The following WDR90 variants were observed in gnomAD, a reference collection of about 807,000 sequenced individuals.
The protein encoded by WDR90 is WD repeat domain 90.
In WDR90, 238 loss-of-function variants were observed where a neutral mutation model predicts 195.2. The ratio of observed to expected loss-of-function variants is 1.22; its 90% CI spans 1.10 to 1.36. The LOEUF is 1.36. Among genes scored for constraint, WDR90 ranks in the 40% most tolerant of loss-of-function variants. The probability of loss-of-function intolerance (pLI) is 0.00; values close to 1 mark genes in which losing one functional copy is unlikely to be tolerated. For missense variants in WDR90, 2,734 were observed against 2,439.5 expected, an observed-to-expected ratio of 1.12 and a Z score of -2.54; for synonymous variants, 1,265 against 1,052.4, an observed-to-expected ratio of 1.20 and a Z score of -3.91.
Position 661,063 on chromosome 16 carries a change from A to T in WDR90, c.3404A>T (p.Tyr1135Phe), listed in dbSNP as rs2037901056. 7.7e-7 allele frequency: 1 copy of T among 1,305,256 alleles called. No homozygotes were observed. The highest frequency in any genetic ancestry group is 9.7e-7 in the Non-Finnish European group (1 of 1,030,598). The allele number at this position is 1,305,256 out of a possible 1,614,324, so 80.9% of individuals were successfully genotyped here. A position where few individuals can be genotyped will look rare whatever the true frequency, so the allele number is the denominator to read the frequency against. ...VWRPDTGFFAYTCGRLVVVED... is the reference protein window; with the variant it reads ...VWRPDTGFFAFTCGRLVVVED... Reference sequence around the variant, plus strand: ...TCTCTGCGCACAGGCTTCTTTGCCTACACGTGCGGCCGCCTGGTGGTGGTG... The same window carrying T: ...TCTCTGCGCACAGGCTTCTTTGCCTTCACGTGCGGCCGCCTGGTGGTGGTG... Residue 1135 changes from tyrosine (Y) to phenylalanine (F), a missense_variant, in exon 29 of 41, where the codon TAC becomes TTC. Transcript: ENST00000293879.
chr16:664,183 GTGCGTGC>G (rs200981989), intron 34 of WDR90, among the ~76,000 whole-genome samples: 81,908 of 151,588 alleles, frequency 0.54, 25,542 homozygotes, highest in East Asian at 0.98. Context: ...TGGAAACCCC[GTGCGTGC>G]CTAGAGGAAA....
In WDR90 at chr16:659,364, G is replaced by T; in HGVS notation, c.3172G>T (p.Glu1058Ter). 1 of 1,592,300 alleles carries T rather than the reference G, an allele frequency of 6.3e-7. No homozygotes were observed. The change falls in exon 26 of 41, where the codon GAA becomes TAA. Residue 1058 changes from glutamate (E) to a stop codon, truncating the protein, a stop_gained. Coordinates refer to ENST00000293879, the MANE Select transcript of WDR90 (RefSeq NM_145294.5). LOFTEE classifies it high-confidence loss of function. ...GCTGGGCGTCTGTGCCAGGCCTCCC[G>T]AAGGTGGCGATGGTGAGCAGCAGGG... Reference protein sequence around the residue: ...PRLGVCARPPEGGDGARDTRN... With the variant: ...PRLGVCARPP
Position 662,922 on chromosome 16 carries a change from A to G in WDR90, c.4311+78A>G, listed in dbSNP as rs957192482. 3.3e-6 allele frequency: 5 copies of G among 1,524,882 alleles called. No homozygotes were observed. In the African/African-American group the frequency reaches 6.9e-5, roughly 21 times the overall value. 94.5% of individuals were successfully genotyped at this position (1,524,882 alleles called of 1,614,324 possible). A position where few individuals can be genotyped will look rare whatever the true frequency, so the allele number is the denominator to read the frequency against. On this transcript the variant is annotated intron_variant, in intron 34 of 40. Transcript: ENST00000293879. ...CCTGCCTGCCGGCTCCATCTCCACC[A>G]GCCCAGATGATTCCAAGTCCTGCCG...
At position 653,429 on chromosome 16, in the gene WDR90, T is replaced by G; in HGVS notation, c.1211T>G (p.Phe404Cys). The change falls in exon 11 of 41, where the codon TTC becomes TGC. Residue 404 changes from phenylalanine (F) to cysteine (C), a missense_variant. Coordinates refer to ENST00000293879, the MANE Select transcript of WDR90 (RefSeq NM_145294.5). ...CTCGTGGACACGGGGGAGCAGCGCTTCTTCCTTGGCCACACAGACAAGGTG... is the reference window on the plus strand; with the variant it reads ...CTCGTGGACACGGGGGAGCAGCGCTGCTTCCTTGGCCACACAGACAAGGTG... ...VLLVDTGEQR[F>C]FLGHTDKVSA... The G allele has an allele frequency of 6.2e-7, 1 of 1,611,928 alleles. No individual in the cohort carries two copies. The highest frequency in any genetic ancestry group is 8.5e-7 in the Non-Finnish European group (1 of 1,179,430).
chr16:650,009 G>T lies in WDR90; in HGVS notation c.121G>T (p.Ala41Ser). 1.2e-6 allele frequency: 2 copies of T among 1,612,736 alleles called. No individual in the cohort carries two copies. The highest frequency in any genetic ancestry group is 1.7e-6 in the Non-Finnish European group (2 of 1,179,952). ...TCTCCAGGACAAGACCCTGAAGGGC[G>T]CCGTGTATCGCATTCGGGGCTCAGT... ...AVVTDKTLKGAVYRIRGSVSA... is the reference protein window; with the variant it reads ...AVVTDKTLKGSVYRIRGSVSA... The change falls in exon 3 of 41, where the codon GCC becomes TCC. Residue 41 changes from alanine to serine, a missense_variant. Transcript: ENST00000293879.
At position 660,087 on chromosome 16, in the gene WDR90, C is replaced by G. The variant is rs1248500398; in HGVS notation, c.3214C>G (p.Pro1072Ala). The change falls in exon 27 of 41, where the codon CCA becomes GCA. Residue 1072 changes from proline (P) to alanine (A), a missense_variant. Pro to Ala is a conservative substitution (Grantham distance 27). Transcript: ENST00000293879. ...GARDTRNSGA[P>A]RTTYLASCKA... The stretch of plus-strand genomic sequence containing the variant: ...CAGGGACACCAGGAATTCGGGGGCC[C>G]CACGCACCACCTACCTGGCTTCCTG... 3 of 1,547,398 alleles carry G rather than the reference C, an allele frequency of 1.9e-6. No homozygotes were observed. In the South Asian group the frequency reaches 3.6e-5, roughly 18 times the overall value.
intron 22 of WDR90, 90 bp downstream of exon 22, chr16:658,434 G>A: frequency 1.3e-6 from 2 of 1,576,392 alleles, no homozygotes; most frequent in Middle Eastern, 1.7e-4. Flanking sequence ...AGCTGGGTGG[G>A]GGGCCGTCGC....
chr16:666,994 GT>G lies in WDR90; in HGVS notation c.5089+6del, dbSNP rs1423265688. The G allele has an allele frequency of 1.3e-6, 2 of 1,591,692 alleles. No homozygotes were observed. The highest frequency in any genetic ancestry group is 3.5e-5 in the Admixed American group (2 of 56,722). On this transcript the variant is annotated splice_donor_region_variant and intron_variant, in intron 40 of 40. Coordinates refer to ENST00000293879, the MANE Select transcript of WDR90 (RefSeq NM_145294.5). ...TCCTGGCTGTTGGCTTTGCTGGTGA[GT>G]GCTGGTGGATGCAGTTTGGGCCTGT... is the stretch of plus-strand genomic sequence containing the variant.
chr16:657,280 G>C, intron 20 of WDR90, 59 bp downstream of exon 20: 1 of 1,480,656 alleles, frequency 6.8e-7, no homozygotes, highest in African/African-American at 1.4e-5. Context: ...CCTGGATCTG[G>C]TGCAGGCCCA....
In WDR90 at chr16:652,540, G is replaced by C; in HGVS notation, c.1122+5G>C. ...GGGGGCCACGGCACCAGACAGGTGA[G>C]GCTCCTGCGGCTGTGTCCAGAGCAG... On this transcript the variant is annotated splice_donor_5th_base_variant and intron_variant, in intron 10 of 40. Coordinates refer to ENST00000293879, the MANE Select transcript of WDR90 (RefSeq NM_145294.5). 6.2e-7 allele frequency: 1 copy of C among 1,605,264 alleles called. No individual in the cohort carries two copies. Among genetic ancestry groups the C allele is most frequent in the East Asian group, 2.2e-5 (1 of 44,518 alleles).
rs1044971293 is a variant in WDR90 at position 666,032 on chromosome 16, C to T, written c.4517C>T (p.Ser1506Phe). The T allele has an allele frequency of 3.7e-6, 6 of 1,604,966 alleles. No homozygotes were observed. The highest frequency in any genetic ancestry group is 5.1e-6 in the Non-Finnish European group (6 of 1,179,836). Residue 1506 changes from serine (S) to phenylalanine (F), a missense_variant, in exon 36 of 41, where the codon TCC becomes TTC. Ser to Phe is a radical substitution (Grantham distance 155, BLOSUM62 -2). Coordinates refer to ENST00000293879, the MANE Select transcript of WDR90 (RefSeq NM_145294.5). Reference sequence around the variant, plus strand: ...CTAGCGGCTGGCTACGGTGACGGCTCCCTGCGCATCTTCAGCGTCTCCCGC... The same window carrying T: ...CTAGCGGCTGGCTACGGTGACGGCTTCCTGCGCATCTTCAGCGTCTCCCGC... ...QRLAAGYGDG[S>F]LRIFSVSRTA...
chr16:655,041 T>A lies in WDR90; in HGVS notation c.1450T>A (p.Trp484Arg), dbSNP rs1266013567. Residue 484 changes from tryptophan (W) to arginine (R), a missense_variant, in exon 14 of 41, where the codon TGG becomes AGG. Physicochemically the swap from Trp to Arg is moderately radical, Grantham distance 101. Transcript: ENST00000293879. ...DHHGRTMVVA[W>R]GTGQVGLGGE... ...GGGCTTGTTGCAGATGGTGGTGGCC[T>A]GGGGCACCGGCCAGGTGGGCCTCGG... The A allele has an allele frequency of 6.2e-7, 1 of 1,612,408 alleles. No individual in the cohort carries two copies. Among genetic ancestry groups the A allele is most frequent in the Non-Finnish European group, 8.5e-7 (1 of 1,179,712 alleles).
chr16:665,429 G>A (rs982973966), intron 34 of WDR90: 5 of 609,136 alleles, frequency 8.2e-6, no homozygotes, highest in African/African-American at 1.9e-5. Context: ...TGTCAGAACA[G>A]CTTTCTCCTC....
Position 653,349 on chromosome 16 carries a change from G to A in WDR90, c.1131G>A (p.Trp377Ter). ...CCGCCCCCTTGTGCCAGGCCCTGTGGACCCCAGACGGGGCGGCTGTCGTGT... is the reference window on the plus strand; with the variant it reads ...CCGCCCCCTTGTGCCAGGCCCTGTGAACCCCAGACGGGGCGGCTGTCGTGT... ...FGGHGTRQAL[W>*]TPDGAAVVYP... is the part of the protein sequence containing the mutation. Residue 377 changes from tryptophan to a stop codon, truncating the protein, a stop_gained, in exon 11 of 41, where the codon TGG (tryptophan) becomes TGA (stop). Coordinates refer to ENST00000293879, the MANE Select transcript of WDR90 (RefSeq NM_145294.5). LOFTEE classifies it high-confidence loss of function. The A allele has an allele frequency of 6.4e-7, 1 of 1,557,886 alleles. No homozygotes were observed. Among genetic ancestry groups the A allele is most frequent in the Non-Finnish European group, 8.7e-7 (1 of 1,153,446 alleles).
Position 667,456 on chromosome 16 carries a change from G to A in WDR90, c.5114G>A (p.Cys1705Tyr). Residue 1705 changes from cysteine to tyrosine, a missense_variant, in exon 41 of 41, where the codon TGT (cysteine) becomes TAT (tyrosine). Physicochemically the swap from Cys to Tyr is radical, Grantham distance 194. Coordinates refer to ENST00000293879, the MANE Select transcript of WDR90 (RefSeq NM_145294.5). ...GAGTGCATGCTGAGGCTGGTAGACT[G>A]TGCCATGGGGACTGCCCAAGACTTT... ...FAECMLRLVD[C>Y]AMGTAQDFAG... The A allele has an allele frequency of 6.2e-7, 1 of 1,605,478 alleles. No individual in the cohort carries two copies. The highest frequency in any genetic ancestry group is 8.5e-7 in the Non-Finnish European group (1 of 1,174,116).
chr16:658,449 C>T, intron 22 of WDR90, 76 bp from the exon 23 acceptor site: 1 of 1,578,162 alleles, frequency 6.3e-7, no homozygotes, highest in Non-Finnish European at 8.6e-7. Flanking sequence ...CGTCGCCACA[C>T]CCACAACGAA....
chr16:652,283 A>T (rs965197890), intron 9 of WDR90, 184 bp from the exon 10 acceptor site: 27 of 817,914 alleles, frequency 3.3e-5, no homozygotes, highest in Non-Finnish European at 1.9e-6. Context: ...GGACCCTCGA[A>T]GGTCTGGCAG....
At chr16:660,785 A>G in intron 28 of WDR90, 71 bp downstream of exon 28, 1 of 1,463,812 alleles carries the variant, frequency 6.8e-7, no homozygotes, top group Non-Finnish European at 9.2e-7. Flanking sequence ...TCTCCACCCC[A>G]AGGCCAGGAC....
In WDR90 at chr16:655,673, C is replaced by A; in HGVS notation, c.1819C>A (p.Pro607Thr). Residue 607 changes from proline to threonine, a missense_variant, in exon 16 of 41, where the codon CCC becomes ACC. Pro to Thr is a conservative substitution (Grantham distance 38). Coordinates refer to ENST00000293879, the MANE Select transcript of WDR90 (RefSeq NM_145294.5). ...RLLPTRTPGG[P>T]HPQKQTFSSG... ...GCTCCCCACACGGACTCCAGGCGGT[C>A]CCCACCCACAGAAGCAGACCTTCAG... 1 of 1,600,612 alleles carries A rather than the reference C, an allele frequency of 6.2e-7. No individual in the cohort carries two copies. The highest frequency in any genetic ancestry group is 8.5e-7 in the Non-Finnish European group (1 of 1,173,624).
Sources: allele counts gnomAD v4.1 joint callset (sites outside exome capture counted in the v4.1 genomes callset), GRCh38; gene constraint gnomAD v4.1.1; transcripts MANE v1.5; gene names NCBI Gene and HGNC (gene_info 2026-07-23, HGNC 2026-07-21).